Variants in TG observed in about 807,000 individuals in gnomAD.
TG encodes thyroid hormones.
In TG, 270 loss-of-function variants were observed where a neutral mutation model predicts 324.7. The observed-to-expected ratio is 0.83, with a 90% CI of 0.75 to 0.92. The LOEUF is 0.92. Ranked by LOEUF, TG falls within the 40% of genes least tolerant of loss-of-function variation. The probability of loss-of-function intolerance (pLI) is 0.00; values close to 1 mark genes in which losing one functional copy is unlikely to be tolerated. For missense variants in TG, 3,591 were observed against 3,456.4 expected, an observed-to-expected ratio of 1.04 and a Z score of -0.98; for synonymous variants, 1,401 against 1,327.0, an observed-to-expected ratio of 1.06 and a Z score of -1.21.
At chr8:132,925,360 C>A (rs1263161451) in intron 22 of TG, among the ~76,000 whole-genome samples, 1 of 152,214 alleles carries the variant, frequency 6.6e-6, no homozygotes, top group Non-Finnish European at 1.5e-5. Flanking sequence ...CACATACACA[C>A]ACATATGCAT....
chr8:133,005,512 C>T (rs1394731550), intron 35 of TG, among the ~76,000 whole-genome samples: 2 of 152,168 alleles, frequency 1.3e-5, no homozygotes, highest in African/African-American at 4.8e-5. Flanking sequence ...GTTTGCTGAG[C>T]ATTTCCCCTG....
intron 41 of TG, chr8:133,050,322 C>A: frequency 2.9e-6 from 1 of 339,398 alleles, no homozygotes; most frequent in Non-Finnish European, 5.5e-6. Context: ...TGCAGTATAG[C>A]CAAAGATAGT....
At chr8:132,974,872 G>A (rs1830004755) in intron 34 of TG, among the ~76,000 whole-genome samples, 1 of 152,114 alleles carries the variant, frequency 6.6e-6, no homozygotes, top group Non-Finnish European at 1.5e-5. Context: ...TCAACTTCAT[G>A]GAAGATGTTT....
intron 41 of TG, among the ~76,000 whole-genome samples, chr8:133,039,163 G>A (rs958121333): frequency 6.6e-6 from 1 of 152,210 alleles, no homozygotes; most frequent in Non-Finnish European, 1.5e-5. Flanking sequence ...ACAGGCGTGA[G>A]CCACCGCGCC....
intron 22 of TG, among the ~76,000 whole-genome samples, chr8:132,927,266 T>C (rs1028182699): frequency 7.9e-5 from 12 of 152,034 alleles, no homozygotes; most frequent in Admixed American, 2.6e-4. Flanking sequence ...TTTCCTCATA[T>C]TCTCCCTCCC....
intron 41 of TG, among the ~76,000 whole-genome samples, chr8:133,061,289 A>G (rs1338675652): frequency 6.6e-6 from 1 of 152,200 alleles, no homozygotes; most frequent in Non-Finnish European, 1.5e-5. Context: ...GATTACAAGC[A>G]TAAGCCTCCA....
At position 132,962,977 on chromosome 8, in the gene TG, CTT is replaced by C. The variant is rs759266838; in HGVS notation, c.5468-10_5468-9del. ...CATTCTCCCCAACATTGCAACAACTCTTTTTTTTCCTCCTAGATTCTGACATG... is the reference window on the plus strand; with the variant it reads ...CATTCTCCCCAACATTGCAACAACTCTTTTTTCCTCCTAGATTCTGACATG... On this transcript the variant is annotated splice_polypyrimidine_tract_variant and intron_variant, in intron 28 of 47. Coordinates refer to ENST00000220616, the MANE Select transcript of TG (RefSeq NM_003235.5). 3 of 1,611,698 alleles carry C rather than the reference CTT, an allele frequency of 1.9e-6. No homozygotes were observed. The Admixed American group carries it at 5.0e-5, about 27-fold the overall frequency.
At chr8:132,957,764 C>CACACACAG (rs1554680140) in intron 27 of TG, among the ~76,000 whole-genome samples, 4 of 135,296 alleles carry the variant, frequency 3.0e-5, no homozygotes, top group African/African-American at 1.3e-4. Context: ...CACACACACA[C>CACACACAG]ACACACACAC....
intron 39 of TG, among the ~76,000 whole-genome samples, chr8:133,020,564 A>C (rs1450349681): frequency 2.0e-5 from 3 of 152,086 alleles, no homozygotes; most frequent in Non-Finnish European, 4.4e-5. Context: ...AGGACAAATG[A>C]ACTCAAGACC....
At chr8:132,916,020 T>C (rs2132416952) in intron 20 of TG, among the ~76,000 whole-genome samples, 1 of 152,104 alleles carries the variant, frequency 6.6e-6, no homozygotes, top group East Asian at 1.9e-4. Flanking sequence ...CATTTTACTG[T>C]CCAGAGACTC....
intron 41 of TG, among the ~76,000 whole-genome samples, chr8:133,092,392 C>T (rs1007210637): frequency 2.6e-5 from 4 of 152,230 alleles, no homozygotes; most frequent in Non-Finnish European, 5.9e-5. Flanking sequence ...GGAAACTCCT[C>T]GCCATTGAAT....
intron 35 of TG, among the ~76,000 whole-genome samples, chr8:132,999,600 ACTGCAGC>A (rs945932756): frequency 6.6e-6 from 1 of 152,118 alleles, no homozygotes; most frequent in African/African-American, 2.4e-5. Flanking sequence ...AGGTCAGAAA[ACTGCAGC>A]CTGCAGCCTG....
Position 132,881,880 on chromosome 8 carries a change from T to A in TG, c.656T>A (p.Val219Glu). The A allele has an allele frequency of 6.2e-7, 1 of 1,613,576 alleles. No individual in the cohort carries two copies. The highest frequency in any genetic ancestry group is 8.5e-7 in the Non-Finnish European group (1 of 1,179,394). ...TCTCCAAGGTTTCCAGATGCATTTG[T>A]GACCTTCAGTTCCTTCCAGAGGAGG... ...HSYNRFPDAF[V>E]TFSSFQRRFP... Residue 219 changes from valine (V) to glutamate (E), a missense_variant, in exon 6 of 48, where the codon GTG becomes GAG. Val to Glu is a moderately radical substitution (Grantham distance 121). Transcript: ENST00000220616.
intron 41 of TG, chr8:133,050,995 G>T (rs113255650): frequency 3.8e-6 from 3 of 781,030 alleles, no homozygotes; most frequent in African/African-American, 3.5e-5. Context: ...TGGGAGGGAG[G>T]GTATGAAGAT....
chr8:132,983,427 T>C lies in TG; in HGVS notation c.6262+15T>C, dbSNP rs771715357. The C allele has an allele frequency of 3.1e-6, 5 of 1,611,468 alleles. No homozygotes were observed. Among genetic ancestry groups the C allele is most frequent in the Non-Finnish European group, 3.4e-6 (4 of 1,177,518 alleles). On this transcript the variant is annotated intron_variant, in intron 35 of 47. Coordinates refer to ENST00000220616, the MANE Select transcript of TG (RefSeq NM_003235.5). The stretch of plus-strand genomic sequence containing the variant: ...CACAGAGAAAGGTAAGTTCATTGTC[T>C]TTTTATCTCTTGGATGAGAGTACCC...
rs76026949 is a variant in TG, at chr8:132,977,454, C to T, written c.6199+4713C>T. 1.7e-3 allele frequency among the ~76,000 whole-genome samples: 259 copies of T among 152,238 alleles called. 2 individuals are homozygous for T. Among genetic ancestry groups the T allele is most frequent in the African/African-American group, 6.0e-3 (251 of 41,554 alleles). ...AGTGATGACTATGAGCCCATTAACA[C>T]TATGTATTAGTCCATTTTCATGCTG... is the stretch of plus-strand genomic sequence containing the variant. On this transcript the variant is annotated intron_variant, in intron 34 of 47. Transcript: ENST00000220616.
rs749680058 is a variant in TG, at chr8:132,888,303, C to T, written c.2496C>T (p.Val832=). Residue 832 remains valine, a synonymous_variant, in exon 10 of 48, where the codon GTC becomes GTT. Coordinates refer to ENST00000220616, the MANE Select transcript of TG (RefSeq NM_003235.5). The part of the protein sequence containing the change: ...QSLYEAGQQD[V]FPVLSQYPSL... ...TGTATGAGGCTGGCCAGCAAGATGT[C>T]TTCCCGGTGCTGTCACAATACCCTT... 1 of 1,614,152 alleles carries T rather than the reference C, an allele frequency of 6.2e-7. No individual in the cohort carries two copies. Among genetic ancestry groups the T allele is most frequent in the Non-Finnish European group, 8.5e-7 (1 of 1,180,020 alleles).
At chr8:132,943,514 T>TG (rs1165080235) in intron 26 of TG, among the ~76,000 whole-genome samples, 1 of 152,220 alleles carries the variant, frequency 6.6e-6, no homozygotes. Context: ...CCAAGTACAA[T>TG]GCCCCTGCCC....
At position 132,941,444 on chromosome 8, in the gene TG, C is replaced by A. The variant is rs769100474; in HGVS notation, c.5135C>A (p.Ala1712Asp). 1 of 1,614,244 alleles carries A rather than the reference C, an allele frequency of 6.2e-7. No homozygotes were observed. Among genetic ancestry groups the A allele is most frequent in the South Asian group, 1.1e-5 (1 of 91,086 alleles). Residue 1712 changes from alanine (A) to aspartate (D), a missense_variant, in exon 26 of 48, where the codon GCC (alanine) becomes GAC (aspartate). Transcript: ENST00000220616. ...TTGTACAACCCCATTGTGTTCTCAGCCTCAGGAGCCAATCTAACCGATGCT... is the reference window on the plus strand; with the variant it reads ...TTGTACAACCCCATTGTGTTCTCAGACTCAGGAGCCAATCTAACCGATGCT... ...SGLYNPIVFS[A>D]SGANLTDAHL...
Sources: allele counts gnomAD v4.1 joint callset (sites outside exome capture counted in the v4.1 genomes callset), GRCh38; gene constraint gnomAD v4.1.1; transcripts MANE v1.5; gene names NCBI Gene and HGNC (gene_info 2026-07-23, HGNC 2026-07-21).